The following RGPD4 variants were observed in gnomAD, a reference collection of about 807,000 sequenced individuals.
The protein encoded by RGPD4 is RANBP2 like and GRIP domain containing 4.
A neutral mutation model predicts 141.1 loss-of-function variants in RGPD4; 84 were observed. That is an observed-to-expected ratio of 0.60 (90% CI 0.50 to 0.71). The LOEUF (loss-of-function observed/expected upper bound fraction) is 0.71. RGPD4 is among the 30% of genes least tolerant of loss of function. RGPD4 has a pLI of 0.00. For synonymous variants in RGPD4, 298 were observed against 566.8 expected (o/e 0.53, Z 6.74); for missense variants, 918 against 1,622.4 (o/e 0.57, Z 7.46).
chr2:107,888,495 C>T (rs1253706057), intron 22 of RGPD4, among the ~76,000 whole-genome samples: 1 of 151,114 alleles, frequency 6.6e-6, no homozygotes, highest in Admixed American at 6.6e-5. Flanking sequence ...AATATCGCTT[C>T]CTTCTACTTT....
intron 17 of RGPD4, among the ~76,000 whole-genome samples, chr2:107,863,825 C>T (rs1682641189): frequency 6.6e-6 from 1 of 152,054 alleles, no homozygotes; most frequent in South Asian, 2.1e-4. Flanking sequence ...CTTTATGTGT[C>T]TCTCTCCTCA....
At chr2:107,885,621 C>T (rs889236448) in intron 22 of RGPD4, among the ~76,000 whole-genome samples, 1 of 152,172 alleles carries the variant, frequency 6.6e-6, no homozygotes. Context: ...CAGGAAAACA[C>T]ATTTAAATTA....
At chr2:107,844,823 C>CTTT (rs1681859511) in intron 6 of RGPD4, among the ~76,000 whole-genome samples, 12 of 53,822 alleles carry the variant, frequency 2.2e-4, no homozygotes, top group African/African-American at 6.2e-4. Context: ...TTCTTTCTTT[C>CTTT]TTTTTTGTTT....
Position 107,872,083 on chromosome 2 carries a change from A to C in RGPD4, c.4079A>C (p.His1360Pro), listed in dbSNP as rs749735189. The C allele has an allele frequency of 4.3e-6, 7 of 1,611,528 alleles. No homozygotes were observed. The South Asian group carries it at 6.6e-5, about 15-fold the overall frequency. The change falls in exon 20 of 23, where the codon CAC becomes CCC. Residue 1360 changes from histidine (H) to proline (P), a missense_variant. His to Pro is a moderately conservative substitution (Grantham distance 77). Transcript: ENST00000408999. ...GAAAATGAAAAAGTTGTTTTTAGTCACAGGGCAGAACTCTACAGATATGAT... is the reference window on the plus strand; with the variant it reads ...GAAAATGAAAAAGTTGTTTTTAGTCCCAGGGCAGAACTCTACAGATATGAT... Reference protein sequence around the residue: ...GEENEKVVFSHRAELYRYDKD... With the variant: ...GEENEKVVFSPRAELYRYDKD...
In RGPD4 at chr2:107,826,981, T is replaced by C. The variant is rs1199245173; in HGVS notation, c.-33T>C. The C allele has an allele frequency of 2.9e-5, 46 of 1,586,206 alleles. No homozygotes were observed. The highest frequency in any genetic ancestry group is 2.1e-4 in the Admixed American group (12 of 55,998). On this transcript the variant is annotated 5_prime_UTR_variant, in exon 1 of 23. Transcript: ENST00000408999. ...GACTGCTGCGGGGCTGAGCGCTGGT[T>C]TCACGCGTCTCGGGAGCCAGGTTGG...
At chr2:107,854,055 T>C (rs892732415) in intron 7 of RGPD4, among the ~76,000 whole-genome samples, 2 of 112,734 alleles carry the variant, frequency 1.8e-5, no homozygotes, top group Non-Finnish European at 3.5e-5. Context: ...GGCCCCTCTC[T>C]TTTTTTTTTT....
chr2:107,881,880 C>T (rs1675376137), intron 21 of RGPD4, among the ~76,000 whole-genome samples: 1 of 151,740 alleles, frequency 6.6e-6, no homozygotes, highest in Non-Finnish European at 1.5e-5. Flanking sequence ...TGAATTTTCA[C>T]TGTGTCTGAA....
chr2:107,838,601 C>T lies in RGPD4; in HGVS notation c.253-211C>T. On this transcript the variant is annotated intron_variant, in intron 3 of 22. Transcript: ENST00000408999. ...TTGTGTTTTTTGCATTCAAATGACA[C>T]AAATATAATTTTTATTTGGTTCATT... Among the ~76,000 whole-genome samples the T allele has an allele frequency of 2.8e-5, 2 of 70,710 alleles. 1 individual carries two copies. 46.4% of individuals were successfully genotyped at this position (70,710 alleles called of 152,430 possible). A position where few individuals can be genotyped will look rare whatever the true frequency, so the allele number is the denominator to read the frequency against.
intron 1 of RGPD4, among the ~76,000 whole-genome samples, chr2:107,833,790 G>GC (rs1230488028): frequency 3.1e-4 from 47 of 152,258 alleles, no homozygotes; most frequent in African/African-American, 1.1e-3. Context: ...TGTAATCCCA[G>GC]CATTTTGGGA....
At chr2:107,857,617 T>C (rs981586010) in intron 9 of RGPD4, among the ~76,000 whole-genome samples, 12 of 151,616 alleles carry the variant, frequency 7.9e-5, no homozygotes, top group African/African-American at 2.2e-4. Context: ...TTTTAATTGG[T>C]AGAGACAGGG....
At chr2:107,878,313 C>G (rs1225986329) in intron 20 of RGPD4, among the ~76,000 whole-genome samples, 1 of 151,376 alleles carries the variant, frequency 6.6e-6, no homozygotes, top group Admixed American at 6.6e-5. Context: ...TCTCAACAAT[C>G]TTTGAAGAAC....
Position 107,858,524 on chromosome 2 carries a change from C to T in RGPD4, c.1277-590C>T, listed in dbSNP as rs569213385. Among the ~76,000 whole-genome samples the T allele has an allele frequency of 2.1e-3, 319 of 151,932 alleles. 2 individuals carry two copies. Among genetic ancestry groups the T allele is most frequent in the African/African-American group, 6.6e-3 (273 of 41,384 alleles). ...CGCAATCTTGGCTCACTGCAACTTC[C>T]GCCTGCCAGGTTCAAGCAATTGTCT... is the stretch of plus-strand genomic sequence containing the variant. On this transcript the variant is annotated intron_variant, in intron 9 of 22. Transcript: ENST00000408999.
At chr2:107,883,995 A>G (rs1675440062) in intron 22 of RGPD4, among the ~76,000 whole-genome samples, 2 of 152,012 alleles carry the variant, frequency 1.3e-5, no homozygotes, top group Admixed American at 1.3e-4. Context: ...TTTCTCTGTC[A>G]CCTATACCTA....
chr2:107,868,899 T>A (rs1682822900), intron 18 of RGPD4, among the ~76,000 whole-genome samples: 3 of 26,010 alleles, frequency 1.2e-4, no homozygotes, highest in East Asian at 8.6e-4. Context: ...GATTTTTTTT[T>A]TATTTAATAT....
In RGPD4 at chr2:107,882,783, G is replaced by C. The variant is rs548762484; in HGVS notation, c.5176G>C (p.Gly1726Arg). Residue 1726 changes from glycine to arginine, a missense_variant, in exon 22 of 23, where the codon GGT (glycine) becomes CGT (arginine). Coordinates refer to ENST00000408999, the MANE Select transcript of RGPD4 (RefSeq NM_182588.3). ...GCTGCAGTTCATTTTCTTGAAGCCA[G>C]GTAGTGAAAGAGAGAGACTTCTTCC... ...VLLQFIFLKP[G>R]SERERLLPVI... 1 of 1,611,294 alleles carries C rather than the reference G, an allele frequency of 6.2e-7. No individual in the cohort carries two copies. The highest frequency in any genetic ancestry group is 2.2e-5 in the East Asian group (1 of 44,882).
At chr2:107,827,682 G>T (rs1259415849) in intron 1 of RGPD4, among the ~76,000 whole-genome samples, 1 of 52,668 alleles carries the variant, frequency 1.9e-5, no homozygotes, top group Admixed American at 1.6e-4. Flanking sequence ...CGGCGGCCTC[G>T]ACCTGGCTGG....
At chr2:107,884,947 C>T (rs1458064243) in intron 22 of RGPD4, among the ~76,000 whole-genome samples, 1 of 151,210 alleles carries the variant, frequency 6.6e-6, no homozygotes, top group Non-Finnish European at 1.5e-5. Flanking sequence ...TACAGACATA[C>T]TTCATAAGTA....
chr2:107,827,118 A>T, intron 1 of RGPD4, 33 bp downstream of exon 1: 1 of 1,566,930 alleles, frequency 6.4e-7, no homozygotes, highest in Non-Finnish European at 8.6e-7. Context: ...GACGGCCTCG[A>T]CCTGGCCGGG....
intron 17 of RGPD4, among the ~76,000 whole-genome samples, chr2:107,863,523 C>T (rs1312364310): frequency 2.0e-5 from 3 of 149,820 alleles, no homozygotes; most frequent in Non-Finnish European, 3.0e-5. Context: ...GACAGAGGCT[C>T]GCTCTGTTGC....
Sources: allele counts gnomAD v4.1 joint callset (sites outside exome capture counted in the v4.1 genomes callset), GRCh38; gene constraint gnomAD v4.1.1; transcripts MANE v1.5; gene names NCBI Gene and HGNC (gene_info 2026-07-23, HGNC 2026-07-21).